PC: variants seen among roughly 807,000 people sequenced by gnomAD.
PC encodes the protein pyruvate carboxylase, mitochondrial.
Under a neutral mutation model 107.8 loss-of-function variants are expected in PC, and 46 were observed. The ratio of observed to expected loss-of-function variants is 0.43; its 90% CI spans 0.34 to 0.55. PC has a LOEUF of 0.55. Among genes scored for constraint, PC ranks in the 20% least tolerant of loss-of-function variants. The pLI, the probability that PC is intolerant of heterozygous loss-of-function variation, is 0.04. For synonymous variants in PC, 662 were observed against 684.7 expected (o/e 0.97, Z 0.52); for missense variants, 1,241 against 1,643.1 (o/e 0.76, Z 4.23).
At chr11:66,860,816 C>T (rs939538350) in intron 12 of PC, 14 of 675,878 alleles carry the variant, frequency 2.1e-5, no homozygotes, top group Non-Finnish European at 3.5e-5. Flanking sequence ...ACTTCAGGGT[C>T]TGCGGGGCGG....
rs372302067 is a variant in PC at position 66,866,381 on chromosome 11, C to T, written c.1023-32G>A. 261 of 1,385,808 alleles carry T rather than the reference C, an allele frequency of 1.9e-4. No homozygotes were observed. Among genetic ancestry groups the T allele is most frequent in the South Asian group, 1.5e-3 (86 of 57,880 alleles). The allele number at this position is 1,385,808 out of a possible 1,614,324, so 85.8% of individuals were successfully genotyped here. A position where few individuals can be genotyped will look rare whatever the true frequency, so the allele number is the denominator to read the frequency against. ...GGCATTGGGGGGAGGGGGGAAAGGA[C>T]GGGAGAAAGGGGGAAACATGAGGCG... On this transcript the variant is annotated intron_variant, in intron 10 of 22. Coordinates refer to ENST00000393960, the MANE Select transcript of PC (RefSeq NM_001040716.2). This position sits in a 1 kb window ranked among gnomAD's most constrained non-coding sequence, Gnocchi z 5.4.
chr11:66,854,262 C>T (rs1945675770), intron 12 of PC, among the ~76,000 whole-genome samples: 1 of 152,262 alleles, frequency 6.6e-6, no homozygotes, highest in Non-Finnish European at 1.5e-5. Flanking sequence ...TTGCGCTCCA[C>T]ACCTTTGCAC....
At chr11:66,921,784 T>A (rs1948602523) in intron 3 of PC, among the ~76,000 whole-genome samples, 2 of 152,198 alleles carry the variant, frequency 1.3e-5, no homozygotes, top group African/African-American at 4.8e-5. Flanking sequence ...CAGAACAAAC[T>A]TAGTTGCCAT....
Position 66,848,642 on chromosome 11 carries a change from C to A in PC, c.*257G>T. On this transcript the variant is annotated 3_prime_UTR_variant, in exon 23 of 23. Coordinates refer to ENST00000393960, the MANE Select transcript of PC (RefSeq NM_001040716.2). ...CCCCTGGGTCCTAGGACCACCTGAC[C>A]CACCACTTGTAGTCTCCAGTGAGGA... The A allele has an allele frequency of 1.6e-6, 1 of 610,288 alleles. No individual in the cohort carries two copies. The highest frequency in any genetic ancestry group is 2.9e-6 in the Non-Finnish European group (1 of 343,064). 37.8% of individuals were successfully genotyped at this position (610,288 alleles called of 1,614,324 possible).
At chr11:66,924,851 C>T (rs1455053904) in intron 3 of PC, among the ~76,000 whole-genome samples, 1 of 152,008 alleles carries the variant, frequency 6.6e-6, no homozygotes, top group African/African-American at 2.4e-5. Context: ...GGAAACAGCC[C>T]CTGATAGTCA....
chr11:66,870,635 G>T lies in PC; in HGVS notation c.751+140C>A. 8.9e-7 allele frequency: 1 copy of T among 1,124,820 alleles called. No homozygotes were observed. The highest frequency in any genetic ancestry group is 1.3e-6 in the Non-Finnish European group (1 of 751,928). The allele number at this position is 1,124,820 out of a possible 1,614,324, so 69.7% of individuals were successfully genotyped here. A position where few individuals can be genotyped will look rare whatever the true frequency, so the allele number is the denominator to read the frequency against. On this transcript the variant is annotated intron_variant, in intron 8 of 22. Coordinates refer to ENST00000393960, the MANE Select transcript of PC (RefSeq NM_001040716.2). The surrounding 1 kb of genome is among the most constrained non-coding windows in gnomAD (Gnocchi z 6.1). ...ACCAACTGCCAGCTCGGCCCCTAGAGCCCACTTTCCAGAGTCCTCTGGAAA... is the reference window on the plus strand; with the variant it reads ...ACCAACTGCCAGCTCGGCCCCTAGATCCCACTTTCCAGAGTCCTCTGGAAA...
At chr11:66,944,053 G>A (rs148030627) in intron 3 of PC, among the ~76,000 whole-genome samples, 13,041 of 124,220 alleles carry the variant, frequency 0.1, 1,551 homozygotes, top group African/African-American at 0.13. Flanking sequence ...AGCCCGAGGC[G>A]GGCGGAACAC....
chr11:66,934,749 A>T (rs1179397374), intron 3 of PC, among the ~76,000 whole-genome samples: 1 of 152,016 alleles, frequency 6.6e-6, no homozygotes, highest in African/African-American at 2.4e-5. Context: ...TTCCTACCTC[A>T]GCCTCCCACC....
Position 66,857,812 on chromosome 11 carries a change from G to C in PC, c.1369-4429C>G. 6.2e-7 allele frequency: 1 copy of C among 1,602,324 alleles called. No homozygotes were observed. The highest frequency in any genetic ancestry group is 8.5e-7 in the Non-Finnish European group (1 of 1,179,606). The stretch of plus-strand genomic sequence containing the variant: ...GCCGCCTGCCCGCTGCCCTGCGTCT[G>C]CCAGAACCTGTCCGAGTCGCTCAGC... On this transcript the variant is annotated intron_variant, in intron 12 of 22. Transcript: ENST00000393960. This position sits in a 1 kb window ranked among gnomAD's most constrained non-coding sequence, Gnocchi z 7.1.
intron 3 of PC, among the ~76,000 whole-genome samples, chr11:66,926,552 C>G (rs1168470720): frequency 6.6e-6 from 1 of 152,206 alleles, no homozygotes; most frequent in Non-Finnish European, 1.5e-5. Context: ...ACATGACCAA[C>G]TAGAATTGTT....
chr11:66,861,842 A>G (rs1946274847), intron 12 of PC, among the ~76,000 whole-genome samples: 1 of 150,708 alleles, frequency 6.6e-6, no homozygotes, highest in Non-Finnish European at 1.5e-5. Context: ...CCCTTTCTCC[A>G]CCTGGGGGGC....
intron 18 of PC, 74 bp downstream of exon 18, chr11:66,850,600 G>C (rs1945420090): frequency 6.2e-7 from 1 of 1,600,952 alleles, no homozygotes; most frequent in Non-Finnish European, 8.5e-7. Flanking sequence ...ATCCTAGGCA[G>C]GTCCAACACT....
intron 12 of PC, 59 bp downstream of exon 12, chr11:66,863,715 C>T (rs367819374): frequency 1.9e-4 from 288 of 1,539,564 alleles, no homozygotes; most frequent in Middle Eastern, 6.7e-4. Context: ...GGGAAGTGAA[C>T]GGTCAGGGGG....
chr11:66,948,777 T>C (rs1188802848), intron 3 of PC, among the ~76,000 whole-genome samples: 2 of 151,634 alleles, frequency 1.3e-5, no homozygotes, highest in Non-Finnish European at 2.9e-5. Flanking sequence ...GAGGTAGAGG[T>C]TGCAGTGAGC....
intron 12 of PC, chr11:66,860,202 G>A (rs1367090349): frequency 1.3e-6 from 2 of 1,543,002 alleles, no homozygotes; most frequent in Non-Finnish European, 1.7e-6. Context: ...GTGATGGACG[G>A]GCAGCTTCCT....
chr11:66,899,675 C>T (rs1947881032), intron 3 of PC, among the ~76,000 whole-genome samples: 1 of 152,254 alleles, frequency 6.6e-6, no homozygotes, highest in African/African-American at 2.4e-5. Context: ...TTCCTTGTTA[C>T]ATAGATGATT....
At chr11:66,930,115 C>G (rs1367390978) in intron 3 of PC, among the ~76,000 whole-genome samples, 2 of 151,816 alleles carry the variant, frequency 1.3e-5, no homozygotes, top group Non-Finnish European at 2.9e-5. Context: ...CTTGATGTAC[C>G]CTTCCCTGTC....
chr11:66,908,421 C>T (rs1193417728), intron 3 of PC, among the ~76,000 whole-genome samples: 1 of 152,020 alleles, frequency 6.6e-6, no homozygotes, highest in Non-Finnish European at 1.5e-5. Context: ...TGACCCAGTA[C>T]GATTTATCAG....
At chr11:66,943,116 T>C (rs1949187662) in intron 3 of PC, among the ~76,000 whole-genome samples, 2 of 151,704 alleles carry the variant, frequency 1.3e-5, no homozygotes, top group Admixed American at 1.3e-4. Flanking sequence ...CCCAATGCAA[T>C]CGTATTAAGA....
Sources: gnomAD v4.1 joint callset for allele counts (sites outside exome capture counted in the v4.1 genomes callset) on GRCh38, gnomAD v4.1.1 for gene constraint, Gnocchi (gnomAD v3.1) non-coding constraint, MANE v1.5 for transcripts, NCBI Gene and HGNC (gene_info 2026-07-23, HGNC 2026-07-21) for gene names.